USP50: variants seen among roughly 807,000 people sequenced by gnomAD.
USP50 encodes ubiquitin carboxyl-terminal hydrolase 50.
Under a neutral mutation model 39.2 loss-of-function variants are expected in USP50, and 37 were observed. The observed-to-expected ratio is 0.94, with a 90% CI of 0.73 to 1.24. The LOEUF (loss-of-function observed/expected upper bound fraction) is 1.24, where lower values mean the gene tolerates loss of function less well. USP50 is among the 50% of genes most tolerant of loss of function. USP50 has a pLI of 0.00. For synonymous variants in USP50, 139 were observed against 144.5 expected (o/e 0.96, Z 0.27); for missense variants, 374 against 398.2 (o/e 0.94, Z 0.52).
chr15:50,504,021 A>G (rs974338568), intron 6 of USP50: 1 of 152,206 alleles, frequency 6.6e-6, no homozygotes, highest in African/African-American at 2.4e-5. Context: ...GAAATACAAC[A>G]TAGTTGGCCG....
Position 50,544,715 on chromosome 15 carries a change from A to C in USP50, c.120T>G (p.Phe40Leu), listed in dbSNP as rs1248658842. 6.2e-7 allele frequency: 1 copy of C among 1,613,916 alleles called. No individual in the cohort carries two copies. The highest frequency in any genetic ancestry group is 1.3e-5 in the African/African-American group (1 of 74,940). The change falls in exon 2 of 7, where the codon TTT (phenylalanine) becomes TTG (leucine). Residue 40 changes from phenylalanine (F) to leucine (L), a missense_variant. Transcript: ENST00000532404. Reference sequence around the variant, plus strand: ...AGTTCCACAAGCCAGTGACACCCTGAAAATGGGGCTGGTTCCCATCAGCCT... The same window carrying C: ...AGTTCCACAAGCCAGTGACACCCTGCAAATGGGGCTGGTTCCCATCAGCCT... The part of the protein sequence containing the change: ...VKEADGNQPH[F>L]QGVTGLWNLG...
chr15:50,538,864 A>G lies in USP50; in HGVS notation c.661-13T>C. Reference sequence around the variant, plus strand: ...ATTGGAGACAGTCCTGTTAAGGAAAAAAAGGATTTGGTGACCAAATTGGAT... The same window carrying G: ...ATTGGAGACAGTCCTGTTAAGGAAAGAAAGGATTTGGTGACCAAATTGGAT... On this transcript the variant is annotated splice_polypyrimidine_tract_variant and intron_variant, in intron 4 of 6. Coordinates refer to ENST00000532404, the MANE Select transcript of USP50 (RefSeq NM_203494.5). 1 of 1,586,886 alleles carries G rather than the reference A, an allele frequency of 6.3e-7. No individual in the cohort carries two copies. Among genetic ancestry groups the G allele is most frequent in the Non-Finnish European group, 8.6e-7 (1 of 1,168,462 alleles).
intron 6 of USP50, among the ~76,000 whole-genome samples, chr15:50,526,574 T>C (rs996357422): frequency 4.6e-5 from 7 of 152,244 alleles, no homozygotes; most frequent in African/African-American, 1.7e-4. Context: ...TGTTTGCTAA[T>C]GCATATGTAC....
chr15:50,527,564 C>G (rs1275734832), intron 6 of USP50, among the ~76,000 whole-genome samples: 1 of 152,010 alleles, frequency 6.6e-6, no homozygotes, highest in Non-Finnish European at 1.5e-5. Flanking sequence ...GAGGACCACA[C>G]CTTAAGTAGC....
chr15:50,514,309 G>T (rs1026216628), intron 6 of USP50: 2 of 152,168 alleles, frequency 1.3e-5, no homozygotes, highest in African/African-American at 4.8e-5. Flanking sequence ...TTTAAACTCT[G>T]TTCTGCTGGT....
intron 6 of USP50, chr15:50,509,272 A>T (rs1488894533): frequency 6.6e-6 from 1 of 152,002 alleles, no homozygotes; most frequent in Non-Finnish European, 1.5e-5. Flanking sequence ...AGCCAAGATC[A>T]CACCACTGCA....
Position 50,524,686 on chromosome 15 carries a change from C to T in USP50, c.936+5111G>A, listed in dbSNP as rs548514402. Among the ~76,000 whole-genome samples, 10 of 152,276 alleles carry T rather than the reference C, an allele frequency of 6.6e-5. No individual in the cohort carries two copies. The South Asian group carries it at 2.1e-3, about 32-fold the overall frequency. On this transcript the variant is annotated intron_variant, in intron 6 of 6. Transcript: ENST00000532404. ...TGGTGGGAATGTAAATTAGTACTGT[C>T]ATTATGGAAAATGGTATAAAGATTT...
chr15:50,519,485 C>A (rs1053293465), intron 6 of USP50, among the ~76,000 whole-genome samples: 46 of 151,996 alleles, frequency 3.0e-4, no homozygotes, highest in African/African-American at 9.9e-4. Context: ...GAGGCCGAGG[C>A]GGGTGGATCA....
downstream of USP50, chr15:50,497,636 A>C (rs1356996718): frequency 6.5e-6 from 1 of 152,692 alleles, no homozygotes. Context: ...TATGTTAACG[A>C]TACCATTAAG....
At chr15:50,526,549 GA>G (rs563558453) in intron 6 of USP50, among the ~76,000 whole-genome samples, 96 of 152,158 alleles carry the variant, frequency 6.3e-4, no homozygotes, top group African/African-American at 2.2e-3. Flanking sequence ...ACATGTATAA[GA>G]AAAAAAGGTA....
intron 5 of USP50, among the ~76,000 whole-genome samples, chr15:50,535,936 T>C (rs186155349): frequency 5.1e-4 from 78 of 152,150 alleles, no homozygotes; most frequent in Non-Finnish European, 2.8e-4. Context: ...CCAATACCCA[T>C]CATGATAAAA....
chr15:50,507,648 A>C (rs1367554450), intron 6 of USP50: 1 of 152,204 alleles, frequency 6.6e-6, no homozygotes, highest in Non-Finnish European at 1.5e-5. Context: ...CAAGTCTACC[A>C]TCATAATGGA....
At chr15:50,497,033 T>A (rs898351017), downstream of USP50, 8 of 1,551,190 alleles carry the variant, frequency 5.2e-6, no homozygotes, top group African/African-American at 9.7e-5. Flanking sequence ...AGGTGCTCTC[T>A]GACATTATTG....
intron 6 of USP50, among the ~76,000 whole-genome samples, chr15:50,524,026 A>C (rs1198544527): frequency 6.6e-6 from 1 of 152,256 alleles, no homozygotes; most frequent in Non-Finnish European, 1.5e-5. Context: ...AAGAACATAC[A>C]ATAGGGCAAG....
At chr15:50,538,978 T>A (rs3101860) in intron 4 of USP50, 127 bp from the exon 5 acceptor site, 215,788 of 1,008,528 alleles carry the variant, frequency 0.21, 25,738 homozygotes, top group East Asian at 0.41. Context: ...AGTCAACAAA[T>A]CCAGAAGACA....
chr15:50,541,383 C>G (rs887918432), intron 3 of USP50, 119 bp from the exon 4 acceptor site: 25 of 774,036 alleles, frequency 3.2e-5, no homozygotes, highest in Non-Finnish European at 4.5e-5. Flanking sequence ...CATGGTGGCA[C>G]ACATCTGTGG....
At chr15:50,516,980 A>G (rs1596009888) in intron 6 of USP50, among the ~76,000 whole-genome samples, 1 of 152,192 alleles carries the variant, frequency 6.6e-6, no homozygotes, top group Admixed American at 6.6e-5. Context: ...GGAGACTTCA[A>G]TACCCCACTT....
At chr15:50,493,288 T>A, downstream of USP50, 1 of 514,882 alleles carries the variant, frequency 1.9e-6, no homozygotes, top group Non-Finnish European at 3.9e-6. Context: ...TTGGAATATT[T>A]GACGTGAATC....
At chr15:50,531,329 T>C (rs2052938768) in intron 5 of USP50, among the ~76,000 whole-genome samples, 1 of 152,174 alleles carries the variant, frequency 6.6e-6, no homozygotes, top group South Asian at 2.1e-4. Flanking sequence ...GTCCATCAAC[T>C]GGTGGAGACA....
Sources: allele counts gnomAD v4.1 joint callset (sites outside exome capture counted in the v4.1 genomes callset), GRCh38; gene constraint gnomAD v4.1.1; transcripts MANE v1.5; gene names NCBI Gene and HGNC (gene_info 2026-07-23, HGNC 2026-07-21).